The following MSL3B variants were observed in gnomAD, a reference collection of about 807,000 sequenced individuals.
The protein encoded by MSL3B is MSL complex subunit 3 pseudogene 1.
the MSL3B span, chr2:233,867,363 G>C: frequency 1.7e-6 from 1 of 594,544 alleles, no homozygotes; most frequent in Non-Finnish European, 3.0e-6. Flanking sequence ...TTTAAAAAAA[G>C]ACAGAGTCAG....
the MSL3B span, chr2:233,867,124 G>T: frequency 1.2e-6 from 1 of 861,936 alleles, no homozygotes; most frequent in Non-Finnish European, 2.0e-6. Context: ...TCCGATTAAT[G>T]TAGTAACAAT....
At chr2:233,867,100 C>A in the MSL3B span, 4 of 1,029,010 alleles carry the variant, frequency 3.9e-6, no homozygotes, top group African/African-American at 4.7e-5. Flanking sequence ...ATGGAAGTTG[C>A]ACTAACCGTT....
chr2:233,868,161 CG>C, the MSL3B span: 2 of 427,538 alleles, frequency 4.7e-6, no homozygotes, highest in Admixed American at 2.5e-5. Flanking sequence ...CAGTTCCAAC[CG>C]TTACAACGGA....
the MSL3B span, chr2:233,868,160 C>T: frequency 9.5e-6 from 4 of 419,558 alleles, no homozygotes; most frequent in African/African-American, 2.1e-5. Context: ...TCAGTTCCAA[C>T]CGTTACAACG....
chr2:233,866,790 T>C, the MSL3B span: 22 of 831,290 alleles, frequency 2.6e-5, no homozygotes, highest in Non-Finnish European at 4.7e-5. Flanking sequence ...TGGCTCCTAT[T>C]AGTATTTGTG....
the MSL3B span, chr2:233,866,399 A>G: frequency 9.4e-7 from 1 of 1,060,540 alleles, no homozygotes; most frequent in Admixed American, 1.7e-5. Flanking sequence ...GTCAGGTACG[A>G]GCTTCCAGGA....
the MSL3B span, chr2:233,866,277 C>T: frequency 1.3e-6 from 1 of 742,182 alleles, no homozygotes; most frequent in Non-Finnish European, 2.5e-6. Context: ...AGATTCTTCT[C>T]AGTAAAGGAC....
At chr2:233,865,503 G>A in the MSL3B span, 89,426 of 151,916 alleles carry the variant, frequency 0.59, 26,414 homozygotes, top group East Asian at 0.73. Context: ...AAAGGGAACC[G>A]TAACATTACA....
the MSL3B span, chr2:233,866,402 T>C: frequency 9.2e-7 from 1 of 1,090,978 alleles, no homozygotes; most frequent in Non-Finnish European, 1.4e-6. Flanking sequence ...AGGTACGAGC[T>C]TCCAGGAGAG....
the MSL3B span, chr2:233,868,277 G>A: frequency 3.0e-6 from 1 of 333,590 alleles, no homozygotes. Context: ...GAGCCTACGC[G>A]GCACCAGGCT....
the MSL3B span, chr2:233,867,253 A>T: frequency 1.3e-6 from 1 of 755,788 alleles, no homozygotes; most frequent in East Asian, 2.4e-5. Context: ...CTTCAATATC[A>T]CATTCTTCAC....
chr2:233,866,821 A>G, the MSL3B span: 58 of 989,798 alleles, frequency 5.9e-5, no homozygotes, highest in East Asian at 1.4e-3. Context: ...TAATTGCAAG[A>G]AAAACCTTAG....
At chr2:233,865,356 A>T in the MSL3B span, 7 of 152,168 alleles carry the variant, frequency 4.6e-5, no homozygotes, top group African/African-American at 7.2e-5. Context: ...CAAGACTTTC[A>T]AATTTACTGG....
the MSL3B span, chr2:233,866,810 T>A: frequency 1.1e-6 from 1 of 920,586 alleles, no homozygotes; most frequent in Non-Finnish European, 1.8e-6. Context: ...GGCACTTTCC[T>A]TAATTGCAAG....
the MSL3B span, chr2:233,866,579 C>T: frequency 1.9e-5 from 17 of 872,216 alleles, no homozygotes; most frequent in African/African-American, 1.2e-4. Flanking sequence ...CTGCTGCCAG[C>T]GCTTGGGCTG....
At chr2:233,866,186 T>A in the MSL3B span, 1 of 646,526 alleles carries the variant, frequency 1.5e-6, no homozygotes, top group South Asian at 1.4e-5. Context: ...GGCAGCGACG[T>A]AAGCTGACTC....
At chr2:233,865,842 A>G in the MSL3B span, 1 of 260,754 alleles carries the variant, frequency 3.8e-6, no homozygotes, top group South Asian at 4.5e-5. Flanking sequence ...ACCTATGTAC[A>G]CTTCCATGAA....
At chr2:233,867,581 T>C in the MSL3B span, 2 of 223,480 alleles carry the variant, frequency 8.9e-6, no homozygotes, top group South Asian at 6.2e-5. Context: ...GTTCAAGTGA[T>C]TCTCCTGCCT....
At chr2:233,866,842 C>G in the MSL3B span, 1 of 1,174,052 alleles carries the variant, frequency 8.5e-7, no homozygotes, top group South Asian at 1.2e-5. Flanking sequence ...ATGCAGTCAC[C>G]TTTTTATACT....
Sources: allele counts gnomAD v4.1 joint callset, GRCh38; gene constraint gnomAD v4.1.1; transcripts MANE v1.5; gene names NCBI Gene and HGNC (gene_info 2026-07-23, HGNC 2026-07-21).